Variants in OR2M2 observed in about 807,000 individuals in gnomAD.
OR2M2 encodes olfactory receptor 2M2.
For synonymous variants in OR2M2, 168 were observed against 151.7 expected (o/e 1.11, Z -0.79); for missense variants, 467 against 429.9 (o/e 1.09, Z -0.76).
chr1:248,180,788 C>T lies in OR2M2; in HGVS notation c.803C>T (p.Pro268Leu). 6.2e-7 allele frequency: 1 copy of T among 1,613,904 alleles called. No individual in the cohort carries two copies. ...ATACGGCCCACATCTGATCACTCCC[C>T]AACGCAGGACAAGATGGTGTCTGTA... ...MYIRPTSDHS[P>L]TQDKMVSVFY... Residue 268 changes from proline (P) to leucine (L), a missense_variant, in exon 2 of 2, where the codon CCA becomes CTA. Transcript: ENST00000641836.
chr1:248,179,392 A>G (rs1466285156), intron 1 of OR2M2, among the ~76,000 whole-genome samples: 5 of 152,236 alleles, frequency 3.3e-5, no homozygotes, highest in Non-Finnish European at 5.9e-5. Flanking sequence ...AAAAGGGCCT[A>G]GGTTTTAGAT....
rs1468094947 is a variant in OR2M2 at position 248,180,516 on chromosome 1, C to T, written c.531C>T (p.Phe177=). ...GTGGGTCTCGGGAAATAGCCCACTT[C>T]TTCTGTGAATTCCCTTCCCTACTAA... ...SFCGSREIAH[F]FCEFPSLLIL... is the part of the protein sequence containing the mutation. The change falls in exon 2 of 2, where the codon TTC becomes TTT. Residue 177 remains phenylalanine (F), a synonymous_variant. Transcript: ENST00000641836. 2.5e-6 allele frequency: 4 copies of T among 1,613,898 alleles called. No homozygotes were observed. In the East Asian group the frequency reaches 8.9e-5, roughly 36 times the overall value.
chr1:248,180,117 C>T lies in OR2M2; in HGVS notation c.132C>T (p.Val44=). ...TAGTGGCCTTCATGGGAAACTCTGTCATGGTTCTCCTCATCTACCTGGACA... is the reference window on the plus strand; with the variant it reads ...TAGTGGCCTTCATGGGAAACTCTGTTATGGTTCTCCTCATCTACCTGGACA... The part of the protein sequence containing the change: ...IFLVAFMGNS[V]MVLLIYLDTQ... Residue 44 remains valine (V), a synonymous_variant, in exon 2 of 2, where the codon GTC becomes GTT. Coordinates refer to ENST00000641836, the MANE Select transcript of OR2M2 (RefSeq NM_001004688.2). 1 of 1,614,068 alleles carries T rather than the reference C, an allele frequency of 6.2e-7. No individual in the cohort carries two copies. Among genetic ancestry groups the T allele is most frequent in the South Asian group, 1.1e-5 (1 of 91,072 alleles).
Position 248,174,852 on chromosome 1 carries a change from A to T in OR2M2, c.-38A>T, listed in dbSNP as rs1665842038. The T allele has an allele frequency of 6.6e-6, 1 of 152,164 alleles. No homozygotes were observed. Among genetic ancestry groups the T allele is most frequent in the Non-Finnish European group, 1.5e-5 (1 of 68,004 alleles). The allele number at this position is 152,164 out of a possible 1,614,324, so 9.4% of individuals were successfully genotyped here. On this transcript the variant is annotated 5_prime_UTR_variant, in exon 1 of 2. Coordinates refer to ENST00000641836, the MANE Select transcript of OR2M2 (RefSeq NM_001004688.2). ...TAAAATCACATTGAAAATACACACT[A>T]TTCAGATCAGTACTAAGAGGTAAGT...
Sources: gnomAD v4.1 joint callset for allele counts (sites outside exome capture counted in the v4.1 genomes callset) on GRCh38, gnomAD v4.1.1 for gene constraint, MANE v1.5 for transcripts, NCBI Gene and HGNC (gene_info 2026-07-23, HGNC 2026-07-21) for gene names.